Variants in SYN2 observed in about 807,000 individuals in gnomAD.
SYN2 encodes synapsin II.
Under a neutral mutation model 50.9 loss-of-function variants are expected in SYN2, and 19 were observed. The ratio of observed to expected loss-of-function variants is 0.37; its 90% CI spans 0.26 to 0.55. SYN2 has a LOEUF of 0.55. Among genes scored for constraint, SYN2 ranks in the 20% least tolerant of loss-of-function variants. The pLI is 0.81. For missense variants in SYN2, 587 were observed against 576.4 expected (o/e 1.02, Z -0.19); for synonymous variants, 255 against 224.9 (o/e 1.13, Z -1.20).
intron 10 of SYN2, among the ~76,000 whole-genome samples, chr3:12,179,480 A>G (rs905145740): frequency 1.3e-5 from 2 of 151,818 alleles, no homozygotes; most frequent in Non-Finnish European, 2.9e-5. Context: ...CCCCTAACCA[A>G]AGTTTGTCCA....
intron 1 of SYN2, among the ~76,000 whole-genome samples, chr3:12,047,027 C>T (rs1030886796): frequency 6.6e-6 from 1 of 152,146 alleles, no homozygotes; most frequent in Non-Finnish European, 1.5e-5. Context: ...TACTCCATGA[C>T]TGTTCCATAT....
chr3:12,113,719 C>T (rs79735517), intron 1 of SYN2, among the ~76,000 whole-genome samples: 3 of 151,980 alleles, frequency 2.0e-5, no homozygotes, highest in Non-Finnish European at 2.9e-5. Flanking sequence ...TTTTGGTGTT[C>T]GATTTCTTTG....
intron 1 of SYN2, among the ~76,000 whole-genome samples, chr3:12,139,987 A>T (rs1696977748): frequency 6.6e-6 from 1 of 152,250 alleles, no homozygotes; most frequent in Non-Finnish European, 1.5e-5. Flanking sequence ...CTGGGAAGAT[A>T]CTATGTACTG....
intron 1 of SYN2, among the ~76,000 whole-genome samples, chr3:12,043,024 CT>C (rs761348593): frequency 1.7e-3 from 243 of 145,248 alleles, no homozygotes; most frequent in Middle Eastern, 3.5e-3. Context: ...TCTCTTTTCT[CT>C]TTTTTTTTTT....
At chr3:12,184,975 A>G (rs1574895887) in intron 11 of SYN2, 1 of 985,614 alleles carries the variant, frequency 1.0e-6, no homozygotes, top group East Asian at 1.1e-4. Flanking sequence ...AGAAGGAACT[A>G]GTGTTGGTGG....
intron 1 of SYN2, among the ~76,000 whole-genome samples, chr3:12,108,526 C>A (rs1309552929): frequency 6.6e-6 from 1 of 152,170 alleles, no homozygotes; most frequent in African/African-American, 2.4e-5. Flanking sequence ...GGGAAGAGGG[C>A]TTTGACTTAA....
intron 1 of SYN2, among the ~76,000 whole-genome samples, chr3:12,126,168 A>G (rs1696666150): frequency 6.6e-6 from 1 of 152,224 alleles, no homozygotes. Context: ...TCTCGCTTCT[A>G]GAGAGTACTG....
intron 1 of SYN2, among the ~76,000 whole-genome samples, chr3:12,074,415 G>A (rs558059856): frequency 1.7e-4 from 26 of 151,930 alleles, no homozygotes; most frequent in Non-Finnish European, 1.9e-4. Context: ...CTACCAGATT[G>A]CAAGCCCTCC....
rs1384377592 is a variant in SYN2 at position 12,190,910 on chromosome 3, G to T, written c.*285G>T. ...AGTCATCGTTCGCTGTGAGTTTAGT[G>T]GCCTTATTGTGACAGTGCCATCATG... is the stretch of plus-strand genomic sequence containing the variant. On this transcript the variant is annotated 3_prime_UTR_variant, in exon 13 of 13. Coordinates refer to ENST00000621198, the MANE Select transcript of SYN2 (RefSeq NM_133625.6). The T allele has an allele frequency of 1.0e-5, 12 of 1,164,558 alleles. No homozygotes were observed. In the African/African-American group the frequency reaches 1.5e-4, roughly 14 times the overall value. The allele number at this position is 1,164,558 out of a possible 1,614,324, so 72.1% of individuals were successfully genotyped here.
chr3:12,177,463 G>A (rs1698105295), intron 10 of SYN2, among the ~76,000 whole-genome samples: 1 of 152,252 alleles, frequency 6.6e-6, no homozygotes, highest in African/African-American at 2.4e-5. Flanking sequence ...AGAAGACCAA[G>A]CCTAAGAAGG....
At chr3:12,010,286 A>G (rs1417998861) in intron 1 of SYN2, among the ~76,000 whole-genome samples, 1 of 152,144 alleles carries the variant, frequency 6.6e-6, no homozygotes, top group Admixed American at 6.5e-5. Flanking sequence ...CAGATCTGTA[A>G]TAACCTTGTT....
intron 1 of SYN2, among the ~76,000 whole-genome samples, chr3:12,100,931 A>G (rs1033242338): frequency 2.0e-5 from 3 of 152,174 alleles, no homozygotes; most frequent in Admixed American, 6.5e-5. Flanking sequence ...ACTACGAGAT[A>G]CTATTTCACA....
intron 10 of SYN2, among the ~76,000 whole-genome samples, chr3:12,179,038 A>C (rs1698159033): frequency 1.3e-5 from 2 of 152,202 alleles, no homozygotes; most frequent in Admixed American, 1.3e-4. Flanking sequence ...ATCTCTACGT[A>C]AGGAAAATCC....
chr3:12,065,364 A>G (rs145947905), intron 1 of SYN2, among the ~76,000 whole-genome samples: 3 of 152,308 alleles, frequency 2.0e-5, no homozygotes, highest in East Asian at 3.9e-4. Context: ...TATATACTCA[A>G]AAGAAAATAA....
intron 11 of SYN2, 183 bp downstream of exon 11, chr3:12,183,555 G>A: frequency 6.6e-7 from 1 of 1,523,628 alleles, no homozygotes; most frequent in Middle Eastern, 1.9e-4. Context: ...TTCTTTCAAT[G>A]CTGACTGGAC....
chr3:12,110,608 C>T (rs1316584431), intron 1 of SYN2, among the ~76,000 whole-genome samples: 5 of 152,178 alleles, frequency 3.3e-5, no homozygotes, highest in East Asian at 1.9e-4. Context: ...ATACATCCTC[C>T]GAAATCTAGG....
intron 1 of SYN2, among the ~76,000 whole-genome samples, chr3:12,114,416 G>A (rs1362559895): frequency 1.3e-5 from 2 of 152,180 alleles, no homozygotes; most frequent in African/African-American, 4.8e-5. Flanking sequence ...TCTTGGTAGT[G>A]TCCCTTGATG....
At chr3:12,186,319 G>A (rs62240442) in intron 11 of SYN2, among the ~76,000 whole-genome samples, 6,318 of 152,238 alleles carry the variant, frequency 0.042, 170 homozygotes, top group Non-Finnish European at 0.063. Context: ...ATTTCTAAGC[G>A]TTGGGACCCT....
chr3:12,088,377 T>G (rs1359523663), intron 1 of SYN2, among the ~76,000 whole-genome samples: 2 of 152,136 alleles, frequency 1.3e-5, no homozygotes, highest in Admixed American at 1.3e-4. Context: ...CTCATACCTT[T>G]TAGAATCACT....
Sources: allele counts gnomAD v4.1 joint callset (sites outside exome capture counted in the v4.1 genomes callset), GRCh38; gene constraint gnomAD v4.1.1; transcripts MANE v1.5; gene names NCBI Gene and HGNC (gene_info 2026-07-23, HGNC 2026-07-21).